The following SASH1 variants were observed in gnomAD, a reference collection of about 807,000 sequenced individuals.
SASH1 encodes the protein SAM and SH3 domain containing 1, also known as SAM and SH3 domain-containing protein 1.
SASH1 carries 44 observed loss-of-function variants against 125.2 expected under a neutral mutation model. That is an observed-to-expected ratio of 0.35 (90% confidence interval 0.28 to 0.45). The LOEUF (loss-of-function observed/expected upper bound fraction) is 0.45, where lower values mean the gene tolerates loss of function less well. SASH1 is among the 20% of genes least tolerant of loss of function. SASH1 has a pLI of 1.00. For missense variants in SASH1, 1,426 were observed against 1,614.5 expected, an observed-to-expected ratio of 0.88 and a Z score of 2.00; for synonymous variants, 639 against 649.1, an observed-to-expected ratio of 0.98 and a Z score of 0.24.
intron 1 of SASH1, among the ~76,000 whole-genome samples, chr6:148,297,713 T>C (rs1202478447): frequency 1.3e-5 from 2 of 151,972 alleles, no homozygotes; most frequent in East Asian, 2.0e-4. Flanking sequence ...ACCTGTAGTC[T>C]CAGCTACTCA....
intron 2 of SASH1, among the ~76,000 whole-genome samples, chr6:148,402,085 T>A (rs1354386643): frequency 6.6e-6 from 1 of 152,164 alleles, no homozygotes; most frequent in African/African-American, 2.4e-5. Flanking sequence ...AAAGTTTTAC[T>A]ATTTAATATT....
chr6:148,271,471 C>A (rs954504782), upstream of SASH1, among the ~76,000 whole-genome samples: 1 of 152,174 alleles, frequency 6.6e-6, no homozygotes, highest in Non-Finnish European at 1.5e-5. Flanking sequence ...CCTAAACTTA[C>A]TTGTGTAGGG....
chr6:148,403,231 A>G (rs1387581821), intron 2 of SASH1, among the ~76,000 whole-genome samples: 1 of 151,684 alleles, frequency 6.6e-6, no homozygotes, highest in African/African-American at 2.4e-5. Flanking sequence ...TCAAAACGCT[A>G]TATTATAAAG....
chr6:148,546,818 TA>T (rs1782599228), intron 19 of SASH1, among the ~76,000 whole-genome samples: 1 of 152,146 alleles, frequency 6.6e-6, no homozygotes, highest in South Asian at 2.1e-4. Flanking sequence ...AATGTATGCG[TA>T]AATGTATAGT....
chr6:148,531,756 C>A, intron 13 of SASH1, 95 bp downstream of exon 13: 3 of 1,016,260 alleles, frequency 3.0e-6, no homozygotes, highest in Non-Finnish European at 3.9e-6. Flanking sequence ...GTGAATAAGA[C>A]CAAGTCCTGC....
chr6:148,513,069 G>A (rs1780241068), intron 8 of SASH1: 1 of 985,290 alleles, frequency 1.0e-6, no homozygotes, highest in African/African-American at 1.7e-5. Flanking sequence ...CCTAAATAAT[G>A]CATAGAAACT....
At chr6:148,494,806 A>C (rs1446845530) in intron 8 of SASH1, among the ~76,000 whole-genome samples, 2 of 152,206 alleles carry the variant, frequency 1.3e-5, no homozygotes, top group East Asian at 3.8e-4. Flanking sequence ...ACTGTGTCCA[A>C]AACTTTGGGC....
At chr6:148,536,160 T>G (rs56318651) in intron 16 of SASH1, among the ~76,000 whole-genome samples, 6,621 of 152,260 alleles carry the variant, frequency 0.043, 239 homozygotes, top group African/African-American at 0.089. Flanking sequence ...AGAGACACTT[T>G]GGGGTCTGTG....
chr6:148,226,459 G>A, the SASH1 span, among the ~76,000 whole-genome samples: 2 of 152,124 alleles, frequency 1.3e-5, no homozygotes, highest in East Asian at 3.9e-4. Flanking sequence ...CATTATATAT[G>A]TGCATTTGTA....
intron 1 of SASH1, among the ~76,000 whole-genome samples, chr6:148,307,340 A>C (rs1780172161): frequency 6.6e-6 from 1 of 151,692 alleles, no homozygotes; most frequent in African/African-American, 2.4e-5. Context: ...CTGGTCTCAA[A>C]CCCCTGACCT....
chr6:148,498,397 T>A (rs142748376), intron 8 of SASH1, among the ~76,000 whole-genome samples: 3 of 150,626 alleles, frequency 2.0e-5, no homozygotes, highest in African/African-American at 7.3e-5. Context: ...CAAGAACCTG[T>A]CTCTAAAAAA....
chr6:148,491,313 A>T (rs558165703), intron 8 of SASH1, among the ~76,000 whole-genome samples: 49 of 152,196 alleles, frequency 3.2e-4, no homozygotes, highest in Admixed American at 8.5e-4. Flanking sequence ...TCCGTCGCTC[A>T]GGCTGGAGTG....
At chr6:148,338,447 T>G (rs1464467753), upstream of SASH1, among the ~76,000 whole-genome samples, 1 of 149,140 alleles carries the variant, frequency 6.7e-6, no homozygotes, top group Non-Finnish European at 1.5e-5. Context: ...AAAAAGATGA[T>G]AATATAAATC....
chr6:148,423,022 T>C (rs958746819), intron 2 of SASH1, among the ~76,000 whole-genome samples: 10 of 152,200 alleles, frequency 6.6e-5, no homozygotes, highest in African/African-American at 2.4e-4. Context: ...TACTGCAACC[T>C]CTGCCTCCCA....
intron 4 of SASH1, among the ~76,000 whole-genome samples, chr6:148,441,546 C>A (rs1776547718): frequency 1.3e-5 from 2 of 151,950 alleles, no homozygotes; most frequent in Non-Finnish European, 2.9e-5. Context: ...CTGAAATAGA[C>A]AAAAAAGGCT....
chr6:148,521,099 C>G (rs919108836), intron 10 of SASH1, among the ~76,000 whole-genome samples: 2 of 152,104 alleles, frequency 1.3e-5, no homozygotes, highest in African/African-American at 4.8e-5. Flanking sequence ...GATCAGAGAC[C>G]TAGTAAGATT....
At chr6:148,540,627 A>G in intron 17 of SASH1, 71 bp downstream of exon 17, 2 of 1,131,986 alleles carry the variant, frequency 1.8e-6, no homozygotes, top group African/African-American at 3.1e-5. Context: ...TTTCTGCAAA[A>G]GGACGATTCT....
intron 2 of SASH1, among the ~76,000 whole-genome samples, chr6:148,428,629 C>A (rs868860986): frequency 8.8e-4 from 72 of 81,784 alleles, no homozygotes; most frequent in South Asian, 1.3e-3. Context: ...AACTTTATCT[C>A]AAAAAAAAAA....
chr6:148,437,590 C>CTA (rs1254877937), intron 2 of SASH1, among the ~76,000 whole-genome samples: 1 of 152,190 alleles, frequency 6.6e-6, no homozygotes, highest in Non-Finnish European at 1.5e-5. Flanking sequence ...TGGTCATGAA[C>CTA]TATAGTTCTA....
Sources: gnomAD v4.1 joint callset for allele counts (sites outside exome capture counted in the v4.1 genomes callset) on GRCh38, gnomAD v4.1.1 for gene constraint, MANE v1.5 for transcripts, NCBI Gene and HGNC (gene_info 2026-07-23, HGNC 2026-07-21) for gene names.